PDE4D: variants seen among roughly 807,000 people sequenced by gnomAD.
PDE4D encodes the protein 3',5'-cyclic-AMP phosphodiesterase 4D.
PDE4D carries 24 observed loss-of-function variants against 87.4 expected under a neutral mutation model. The observed-to-expected ratio is 0.27, with a 90% CI of 0.20 to 0.39. PDE4D has a LOEUF of 0.39. Among genes scored for constraint, PDE4D ranks in the 10% least tolerant of loss-of-function variants. PDE4D has a pLI of 1.00. For synonymous variants in PDE4D, 384 were observed against 383.2 expected (o/e 1.00, Z -0.02); for missense variants, 714 against 1,041.0 (o/e 0.69, Z 4.32).
intron 2 of PDE4D, among the ~76,000 whole-genome samples, chr5:60,141,568 C>T (rs1363458384): frequency 6.6e-6 from 1 of 152,118 alleles, no homozygotes; most frequent in East Asian, 1.9e-4. Context: ...AGGGTAAGTA[C>T]ATATGGGCTA....
rs986873016 is a variant in PDE4D, at chr5:59,596,435, G to T, written c.455+296733C>A. On this transcript the variant is annotated intron_variant, in intron 1 of 14. Coordinates refer to ENST00000340635, the MANE Select transcript of PDE4D (RefSeq NM_001104631.2). The stretch of plus-strand genomic sequence containing the variant: ...AGAGACATTGCCACTCCATTTTTAA[G>T]TTATTTTTGAAATAGATGACTAAAG... Among the ~76,000 whole-genome samples the T allele has an allele frequency of 3.0e-4, 46 of 151,696 alleles. 1 individual carries two copies. Among genetic ancestry groups the T allele is most frequent in the African/African-American group, 1.1e-3 (44 of 41,422 alleles).
chr5:59,937,518 G>A (rs1284001994), intron 3 of PDE4D, among the ~76,000 whole-genome samples: 1 of 152,142 alleles, frequency 6.6e-6, no homozygotes, highest in African/African-American at 2.4e-5. Context: ...AGGTTCTGGT[G>A]AAGACTCTTT....
chr5:59,339,720 G>A (rs1778375758), intron 1 of PDE4D, among the ~76,000 whole-genome samples: 1 of 152,114 alleles, frequency 6.6e-6, no homozygotes, highest in Non-Finnish European at 1.5e-5. Flanking sequence ...GAGGAGCTGT[G>A]CGTCCTTGAG....
chr5:59,877,479 T>TAAAAAAAAAAAAAAAA (rs70975344), intron 1 of PDE4D, among the ~76,000 whole-genome samples: 1 of 102,396 alleles, frequency 9.8e-6, no homozygotes, highest in African/African-American at 3.3e-5. Context: ...TGCCAGAACC[T>TAAAAAAAAAAAAAAAA]AAAAAAAAAA....
chr5:60,205,562 A>C (rs922574714), intron 1 of PDE4D, among the ~76,000 whole-genome samples: 4 of 152,086 alleles, frequency 2.6e-5, no homozygotes, highest in African/African-American at 9.7e-5. Flanking sequence ...GATCCTCCCC[A>C]ACCTTCAGAA....
chr5:59,185,545 C>T (rs1181834975), intron 3 of PDE4D, among the ~76,000 whole-genome samples: 1 of 152,052 alleles, frequency 6.6e-6, no homozygotes, highest in Non-Finnish European at 1.5e-5. Context: ...AGACAATATT[C>T]CAGGCAATAC....
At position 59,999,388 on chromosome 5, in the gene PDE4D, T is replaced by A. The variant is rs16890424; in HGVS notation, c.43-10671A>T. Among the ~76,000 whole-genome samples the A allele has an allele frequency of 8.2e-3, 1,248 of 152,114 alleles. 20 individuals are homozygous for A. Among genetic ancestry groups the A allele is most frequent in the African/African-American group, 0.028 (1,176 of 41,496 alleles). On this transcript the variant is annotated intron_variant, in intron 2 of 16. Coordinates refer to the PDE4D transcript ENST00000502484. Reference sequence around the variant, plus strand: ...GAGCAAAAGGTAACTCAGTGGCTTATTGCAATGCCACAGAACCTGCAGTGG... The same window carrying A: ...GAGCAAAAGGTAACTCAGTGGCTTAATGCAATGCCACAGAACCTGCAGTGG...
At chr5:58,982,328 C>G (rs754895284) in intron 11 of PDE4D, among the ~76,000 whole-genome samples, 2 of 152,142 alleles carry the variant, frequency 1.3e-5, no homozygotes, top group African/African-American at 4.8e-5. Flanking sequence ...AGCTGAGTAA[C>G]TGAGTCTTCA....
chr5:59,096,292 TAATAAGACTTCAG>T (rs1769701369), intron 5 of PDE4D, among the ~76,000 whole-genome samples: 2 of 152,174 alleles, frequency 1.3e-5, no homozygotes, highest in African/African-American at 4.8e-5. Context: ...GCAAAGTGGA[TAATAAGACTTCAG>T]AATCTTCTAG....
At chr5:59,373,986 T>C (rs1784335138) in intron 1 of PDE4D, among the ~76,000 whole-genome samples, 1 of 152,140 alleles carries the variant, frequency 6.6e-6, no homozygotes, top group South Asian at 2.1e-4. Context: ...CTGAGGGAAT[T>C]TGTTACCACC....
At chr5:59,316,010 T>C (rs1773648206) in intron 1 of PDE4D, among the ~76,000 whole-genome samples, 1 of 152,148 alleles carries the variant, frequency 6.6e-6, no homozygotes, top group South Asian at 2.1e-4. Flanking sequence ...CAAATGTACT[T>C]TGCTTCAATA....
At chr5:59,829,468 G>C (rs1740848788) in intron 1 of PDE4D, among the ~76,000 whole-genome samples, 1 of 151,974 alleles carries the variant, frequency 6.6e-6, no homozygotes, top group African/African-American at 2.4e-5. Flanking sequence ...GGGGCTGGCA[G>C]CTCCTGTTAT....
intron 1 of PDE4D, among the ~76,000 whole-genome samples, chr5:59,225,194 G>C (rs993758353): frequency 1.3e-5 from 2 of 152,080 alleles, no homozygotes; most frequent in Admixed American, 1.3e-4. Context: ...TTAAGATAAA[G>C]GTTTAGTTTC....
intron 1 of PDE4D, among the ~76,000 whole-genome samples, chr5:59,319,403 T>C (rs1219126624): frequency 6.6e-6 from 1 of 152,090 alleles, no homozygotes; most frequent in African/African-American, 2.4e-5. Context: ...ATCTCTGACC[T>C]TTAATGGTAA....
intron 1 of PDE4D, among the ~76,000 whole-genome samples, chr5:59,365,814 T>C (rs934406863): frequency 3.3e-5 from 5 of 152,120 alleles, no homozygotes; most frequent in Admixed American, 1.3e-4. Context: ...TTTTTCTCAA[T>C]AAAACATATC....
chr5:59,775,836 T>A (rs1764022040), intron 1 of PDE4D, among the ~76,000 whole-genome samples: 1 of 152,214 alleles, frequency 6.6e-6, no homozygotes, highest in Admixed American at 6.5e-5. Context: ...TCTTTCTCTT[T>A]CATTTGCTAT....
intron 5 of PDE4D, among the ~76,000 whole-genome samples, chr5:59,105,849 T>A (rs922778085): frequency 3.3e-5 from 5 of 152,126 alleles, no homozygotes; most frequent in Admixed American, 3.3e-4. Flanking sequence ...AAGGCTTGCA[T>A]TGGTGAAGTT....
intron 1 of PDE4D, among the ~76,000 whole-genome samples, chr5:59,783,635 G>C (rs1764840335): frequency 6.6e-6 from 1 of 152,154 alleles, no homozygotes; most frequent in South Asian, 2.1e-4. Context: ...TATTTCATTT[G>C]AAAGGAAAAA....
chr5:59,251,508 T>C (rs1351025957), intron 1 of PDE4D, among the ~76,000 whole-genome samples: 1 of 152,100 alleles, frequency 6.6e-6, no homozygotes, highest in Non-Finnish European at 1.5e-5. Context: ...ATGGCTATTA[T>C]TAAAAAGACA....
Sources: allele counts gnomAD v4.1 joint callset (sites outside exome capture counted in the v4.1 genomes callset), GRCh38; gene constraint gnomAD v4.1.1; transcripts MANE v1.5; gene names NCBI Gene and HGNC (gene_info 2026-07-23, HGNC 2026-07-21).